The following PLXNA4 variants were observed in gnomAD, a reference collection of about 807,000 sequenced individuals.
PLXNA4 encodes the protein plexin-A4.
Under a neutral mutation model 191.8 loss-of-function variants are expected in PLXNA4, and 44 were observed. The ratio of observed to expected loss-of-function variants is 0.23; its 90% CI spans 0.18 to 0.29. PLXNA4 has a LOEUF of 0.29. PLXNA4 is among the 10% of genes least tolerant of loss of function. The pLI is 1.00. For synonymous variants in PLXNA4, 1,082 were observed against 1,009.5 expected (o/e 1.07, Z -1.36); for missense variants, 1,800 against 2,488.8 (o/e 0.72, Z 5.89).
chr7:132,161,756 C>T (rs147746997), intron 24 of PLXNA4, among the ~76,000 whole-genome samples: 83 of 151,138 alleles, frequency 5.5e-4, no homozygotes, highest in African/African-American at 1.7e-3. Context: ...GGGCACCTAG[C>T]GCTCTGGCAA....
intron 3 of PLXNA4, among the ~76,000 whole-genome samples, chr7:132,475,297 T>C (rs76800724): frequency 0.056 from 8,550 of 152,126 alleles, 703 homozygotes; most frequent in East Asian, 0.3. Flanking sequence ...CACATTGATT[T>C]CCCATTTTCA....
intron 30 of PLXNA4, among the ~76,000 whole-genome samples, chr7:132,136,607 G>C (rs1313739646): frequency 6.6e-6 from 1 of 152,176 alleles, no homozygotes; most frequent in African/African-American, 2.4e-5. Flanking sequence ...CTGTTGGCCA[G>C]TCTGCAGGGT....
chr7:132,291,655 T>A (rs1800896923), intron 4 of PLXNA4, among the ~76,000 whole-genome samples: 1 of 152,190 alleles, frequency 6.6e-6, no homozygotes, highest in African/African-American at 2.4e-5. Context: ...TCTACCTCCA[T>A]TAGTCATATA....
chr7:132,367,109 G>A (rs186063138), intron 3 of PLXNA4, among the ~76,000 whole-genome samples: 2 of 152,334 alleles, frequency 1.3e-5, no homozygotes, highest in Admixed American at 1.3e-4. Flanking sequence ...AGATATCTAA[G>A]ATTACCTGGA....
chr7:132,486,529 TA>T (rs1453594909), intron 3 of PLXNA4, among the ~76,000 whole-genome samples: 4 of 152,108 alleles, frequency 2.6e-5, no homozygotes, highest in African/African-American at 9.7e-5. Flanking sequence ...GCAAAACCAT[TA>T]AAAGGCTGCC....
intron 3 of PLXNA4, among the ~76,000 whole-genome samples, chr7:132,420,804 C>T (rs577474131): frequency 3.3e-4 from 51 of 152,256 alleles, no homozygotes; most frequent in African/African-American, 9.6e-4. Flanking sequence ...GAATGAGTCT[C>T]ACGAGATCTG....
At chr7:132,417,371 C>G (rs1404308464) in intron 3 of PLXNA4, among the ~76,000 whole-genome samples, 1 of 152,224 alleles carries the variant, frequency 6.6e-6, no homozygotes, top group Non-Finnish European at 1.5e-5. Flanking sequence ...TCCTCTGCTT[C>G]TTCCTAGACC....
intron 1 of PLXNA4, among the ~76,000 whole-genome samples, chr7:132,527,715 T>C (rs1225962823): frequency 1.3e-5 from 2 of 152,206 alleles, no homozygotes; most frequent in Admixed American, 1.3e-4. Context: ...CCCGACTGCA[T>C]TACAGTCATA....
At chr7:132,466,538 A>C (rs1234011980) in intron 3 of PLXNA4, among the ~76,000 whole-genome samples, 1 of 152,242 alleles carries the variant, frequency 6.6e-6, no homozygotes. Flanking sequence ...GTAAGCCTGC[A>C]GTCAGTGTTG....
intron 3 of PLXNA4, among the ~76,000 whole-genome samples, chr7:132,326,236 T>C (rs1176083851): frequency 5.3e-5 from 8 of 152,190 alleles, no homozygotes; most frequent in Non-Finnish European, 1.0e-4. Flanking sequence ...GGACTCAGGC[T>C]GGAACTCACA....
upstream of PLXNA4, among the ~76,000 whole-genome samples, chr7:132,580,990 G>C (rs1180085420): frequency 6.6e-6 from 1 of 152,174 alleles, no homozygotes; most frequent in East Asian, 1.9e-4. Context: ...GTGAGGCCAG[G>C]GTGCCCTCTG....
chr7:132,505,844 C>T (rs754305204), intron 2 of PLXNA4, among the ~76,000 whole-genome samples: 16 of 152,064 alleles, frequency 1.1e-4, no homozygotes, highest in Non-Finnish European at 1.9e-4. Flanking sequence ...AGTCCATACC[C>T]CCGTAAGTTC....
intron 3 of PLXNA4, among the ~76,000 whole-genome samples, chr7:132,391,087 C>T (rs1296198839): frequency 6.6e-6 from 1 of 152,172 alleles, no homozygotes; most frequent in African/African-American, 2.4e-5. Flanking sequence ...GTTTCTGCTT[C>T]CCCTCAATGC....
At chr7:132,514,897 A>T (rs1798878441) in intron 1 of PLXNA4, among the ~76,000 whole-genome samples, 1 of 152,148 alleles carries the variant, frequency 6.6e-6, no homozygotes, top group African/African-American at 2.4e-5. Context: ...TTTGAAACAC[A>T]CTTTCAGAGA....
At chr7:132,501,482 C>T (rs1043215539) in intron 2 of PLXNA4, among the ~76,000 whole-genome samples, 1 of 152,174 alleles carries the variant, frequency 6.6e-6, no homozygotes, top group Admixed American at 6.5e-5. Flanking sequence ...CCGCCTCACT[C>T]CCTGCTGACC....
intron 4 of PLXNA4, among the ~76,000 whole-genome samples, chr7:132,294,209 G>A (rs1056711091): frequency 3.3e-5 from 5 of 152,206 alleles, no homozygotes; most frequent in African/African-American, 1.2e-4. Context: ...GTACTCAGGG[G>A]ACGCAGATAC....
At chr7:132,168,236 C>T in intron 22 of PLXNA4, 68 bp downstream of exon 22, 1 of 1,451,682 alleles carries the variant, frequency 6.9e-7, no homozygotes, top group South Asian at 1.5e-5. Flanking sequence ...ACCCGAGTCT[C>T]CCTGCAAGGC....
intron 3 of PLXNA4, among the ~76,000 whole-genome samples, chr7:132,350,416 G>A (rs994950327): frequency 5.9e-5 from 9 of 152,232 alleles, no homozygotes; most frequent in Non-Finnish European, 7.3e-5. Context: ...TGAGGCATGA[G>A]AATTGCTTGA....
upstream of PLXNA4, among the ~76,000 whole-genome samples, chr7:132,579,416 C>T (rs187321366): frequency 9.3e-5 from 14 of 150,664 alleles, no homozygotes; most frequent in Admixed American, 5.9e-4. Flanking sequence ...CTCCTCATAT[C>T]GGTTGTATTT....
Sources: gnomAD v4.1 joint callset for allele counts (sites outside exome capture counted in the v4.1 genomes callset) on GRCh38, gnomAD v4.1.1 for gene constraint, MANE v1.5 for transcripts, NCBI Gene and HGNC (gene_info 2026-07-23, HGNC 2026-07-21) for gene names.